SHB: variants seen among roughly 807,000 people sequenced by gnomAD.
SHB encodes SH2 domain-containing adapter protein B.
SHB carries 20 observed loss-of-function variants against 52.3 expected under a neutral mutation model. That is an observed-to-expected ratio of 0.38 (90% CI 0.27 to 0.56). The LOEUF (loss-of-function observed/expected upper bound fraction) is 0.56, where lower values mean the gene tolerates loss of function less well. Among genes scored for constraint, SHB ranks in the 20% least tolerant of loss-of-function variants. The pLI is 0.71. For synonymous variants in SHB, 397 were observed against 316.5 expected (o/e 1.25, Z -2.70); for missense variants, 825 against 723.3 (o/e 1.14, Z -1.61).
At chr9:37,969,818 G>C (rs1271341996) in intron 3 of SHB, among the ~76,000 whole-genome samples, 1 of 152,216 alleles carries the variant, frequency 6.6e-6, no homozygotes, top group African/African-American at 2.4e-5. Context: ...ATCATCCAAG[G>C]CTCCTTGTCC....
At position 38,068,289 on chromosome 9, in the gene SHB, C is replaced by T; in HGVS notation, c.357G>A (p.Gly119=). 3.4e-6 allele frequency: 5 copies of T among 1,480,796 alleles called. No individual in the cohort carries two copies. The highest frequency in any genetic ancestry group is 4.5e-6 in the Non-Finnish European group (5 of 1,121,330). 91.7% of individuals were successfully genotyped at this position (1,480,796 alleles called of 1,614,324 possible). ...MCRLDYCGGS[G]EPGGVQRAFS... ...AGGCGCGCTGGACCCCGCCTGGCTC[C>T]CCGCTGCCGCCGCAGTAGTCCAGGC... Residue 119 remains glycine, a synonymous_variant, in exon 1 of 6, where the codon GGG becomes GGA. Coordinates refer to ENST00000377707, the MANE Select transcript of SHB (RefSeq NM_003028.3).
Position 37,918,820 on chromosome 9 carries a change from G to A in SHB, c.*1001C>T, listed in dbSNP as rs1188261330. 2.6e-5 allele frequency among the ~76,000 whole-genome samples: 4 copies of A among 152,162 alleles called. No homozygotes were observed. In the South Asian group the frequency reaches 6.2e-4, roughly 24 times the overall value. ...GGGTTGGGGGGGTGTCAACACAGACGTCCCACTGCAGGAGGGAAAGACTGG... is the reference window on the plus strand; with the variant it reads ...GGGTTGGGGGGGTGTCAACACAGACATCCCACTGCAGGAGGGAAAGACTGG... On this transcript the variant is annotated 3_prime_UTR_variant, in exon 6 of 6. Transcript: ENST00000377707.
intron 5 of SHB, among the ~76,000 whole-genome samples, chr9:37,945,703 T>C (rs1832483499): frequency 6.6e-6 from 1 of 152,138 alleles, no homozygotes; most frequent in Non-Finnish European, 1.5e-5. Context: ...AACACAGAGT[T>C]GATGGTAGAG....
At chr9:38,066,662 G>A (rs534798220) in intron 1 of SHB, among the ~76,000 whole-genome samples, 33 of 152,312 alleles carry the variant, frequency 2.2e-4, no homozygotes, top group Non-Finnish European at 4.3e-4. Flanking sequence ...TGCCCATGCA[G>A]ATCAAACAGG....
chr9:37,961,580 T>G (rs906393186), intron 3 of SHB, among the ~76,000 whole-genome samples: 3 of 152,236 alleles, frequency 2.0e-5, no homozygotes, highest in Non-Finnish European at 4.4e-5. Flanking sequence ...CACCCACCCT[T>G]AGGTTCCAAT....
At chr9:38,062,375 C>T (rs1167219593) in intron 1 of SHB, among the ~76,000 whole-genome samples, 1 of 152,128 alleles carries the variant, frequency 6.6e-6, no homozygotes, top group Non-Finnish European at 1.5e-5. Flanking sequence ...TATCCCTGCC[C>T]TTTGCCATGG....
At chr9:38,050,070 C>T (rs1251205811) in intron 1 of SHB, among the ~76,000 whole-genome samples, 1 of 152,302 alleles carries the variant, frequency 6.6e-6, no homozygotes, top group South Asian at 2.1e-4. Context: ...GGATTACAGG[C>T]GTAAGCCACT....
At chr9:38,052,364 A>T (rs1037871122) in intron 1 of SHB, among the ~76,000 whole-genome samples, 2 of 151,996 alleles carry the variant, frequency 1.3e-5, no homozygotes, top group Non-Finnish European at 2.9e-5. Flanking sequence ...CCCGGCTCAG[A>T]CTCCGTGACC....
intron 5 of SHB, among the ~76,000 whole-genome samples, chr9:37,938,832 G>A (rs894632085): frequency 5.9e-5 from 9 of 152,222 alleles, no homozygotes; most frequent in Non-Finnish European, 1.2e-4. Context: ...GCACTGGGCC[G>A]TGAACTGGCA....
At chr9:37,967,771 G>C (rs1279441897) in intron 3 of SHB, among the ~76,000 whole-genome samples, 1 of 152,232 alleles carries the variant, frequency 6.6e-6, no homozygotes, top group Non-Finnish European at 1.5e-5. Flanking sequence ...ACTTCCTCCA[G>C]GTGATTCTGA....
At chr9:37,950,751 T>A (rs564494064) in intron 4 of SHB, among the ~76,000 whole-genome samples, 1 of 152,132 alleles carries the variant, frequency 6.6e-6, no homozygotes, top group Non-Finnish European at 1.5e-5. Flanking sequence ...ATGTAACAAG[T>A]GGCCCCGCAG....
chr9:37,940,163 AC>A (rs901771129), intron 5 of SHB, among the ~76,000 whole-genome samples: 83 of 152,024 alleles, frequency 5.5e-4, no homozygotes, highest in Non-Finnish European at 7.9e-4. Flanking sequence ...TACACTCTCC[AC>A]CCCCACTGCA....
intron 5 of SHB, 113 bp downstream of exon 5, chr9:37,948,522 T>C (rs1832520495): frequency 2.3e-6 from 3 of 1,300,540 alleles, no homozygotes; most frequent in Non-Finnish European, 3.3e-6. Context: ...AAATAACGTG[T>C]GCTGGCAAGT....
intron 5 of SHB, among the ~76,000 whole-genome samples, chr9:37,922,649 G>A (rs1049765339): frequency 1.3e-5 from 2 of 152,208 alleles, no homozygotes; most frequent in Admixed American, 1.3e-4. Flanking sequence ...CCAAGGCAGA[G>A]CTGGGACCAG....
intron 1 of SHB, among the ~76,000 whole-genome samples, chr9:38,047,730 GTA>G (rs1266642440): frequency 3.3e-5 from 5 of 152,262 alleles, no homozygotes; most frequent in Non-Finnish European, 5.9e-5. Context: ...AATAGCGCCA[GTA>G]AATCCCTCCA....
intron 2 of SHB, among the ~76,000 whole-genome samples, chr9:37,994,201 A>T (rs1029612522): frequency 2.6e-5 from 4 of 152,136 alleles, no homozygotes; most frequent in Non-Finnish European, 5.9e-5. Context: ...TCTGGAATGG[A>T]CTCTCAGCTG....
intron 5 of SHB, among the ~76,000 whole-genome samples, chr9:37,923,542 C>G (rs1387655518): frequency 1.3e-5 from 2 of 152,198 alleles, no homozygotes; most frequent in African/African-American, 4.8e-5. Flanking sequence ...AGGAGACATG[C>G]TGTGACAATA....
At chr9:38,003,614 C>T (rs533811460) in intron 2 of SHB, among the ~76,000 whole-genome samples, 56 of 152,270 alleles carry the variant, frequency 3.7e-4, no homozygotes, top group Middle Eastern at 3.4e-3. Context: ...GGATTCTCCA[C>T]GAAGACCCTC....
intron 1 of SHB, among the ~76,000 whole-genome samples, chr9:38,047,207 C>A (rs1587262732): frequency 6.6e-6 from 1 of 152,356 alleles, no homozygotes; most frequent in South Asian, 2.1e-4. Context: ...CCTGACCTCT[C>A]CAAGTCTGCT....
Sources: gnomAD v4.1 joint callset for allele counts (sites outside exome capture counted in the v4.1 genomes callset) on GRCh38, gnomAD v4.1.1 for gene constraint, MANE v1.5 for transcripts, NCBI Gene and HGNC (gene_info 2026-07-23, HGNC 2026-07-21) for gene names.